DUS1L: variants seen among roughly 807,000 people sequenced by gnomAD.
DUS1L encodes tRNA-dihydrouridine(16/17) synthase [NAD(P)(+)]-like.
Under a neutral mutation model 61.2 loss-of-function variants are expected in DUS1L, and 56 were observed. The observed-to-expected ratio is 0.92, with a 90% CI of 0.74 to 1.14. DUS1L has a LOEUF of 1.14. Among genes scored for constraint, DUS1L ranks in the 50% most tolerant of loss-of-function variants. The pLI is 0.00. For missense variants in DUS1L, 630 were observed against 632.4 expected, an observed-to-expected ratio of 1.00 and a Z score of 0.04; for synonymous variants, 278 against 259.5, an observed-to-expected ratio of 1.07 and a Z score of -0.69.
In DUS1L at chr17:82,060,196, C is replaced by CGAGTGCCGCTGCTGTGAG. The variant is rs1264447388; in HGVS notation, c.1023-121_1023-104dup. On this transcript the variant is annotated intron_variant, in intron 10 of 13. Transcript: ENST00000306796. ...TGGGTGAGGGGCCAGGCGGCCGTGGCGAGTGCCGCTGCTGTGAGGAGTGCC... is the reference window on the plus strand; with the variant it reads ...TGGGTGAGGGGCCAGGCGGCCGTGGCGAGTGCCGCTGCTGTGAGGAGTGCCGCTGCTGTGAGGAGTGCC... The CGAGTGCCGCTGCTGTGAG allele has an allele frequency of 9.0e-6, 13 of 1,436,548 alleles. No individual in the cohort carries two copies. In the African/African-American group the frequency reaches 2.0e-4, roughly 22 times the overall value. 89.0% of individuals were successfully genotyped at this position (1,436,548 alleles called of 1,614,324 possible).
chr17:82,059,135 C>T, intron 11 of DUS1L: 2 of 397,744 alleles, frequency 5.0e-6, no homozygotes, highest in South Asian at 3.2e-5. Flanking sequence ...GTTTTCCTGC[C>T]CACAGGGTCC....
chr17:82,058,379 C>A lies in DUS1L; in HGVS notation c.1244G>T (p.Cys415Phe). Reference protein sequence around the residue: ...RCVFSLCRGCCKKRASKETAD... With the variant: ...RCVFSLCRGCFKKRASKETAD... The stretch of plus-strand genomic sequence containing the variant: ...AGTCTCTTTGGAGGCTCGCTTCTTG[C>A]AGCAGCCGCGGCACAGGCTGAACAC... Residue 415 changes from cysteine (C) to phenylalanine (F), a missense_variant, in exon 13 of 14, where the codon TGC becomes TTC. Cys to Phe is a radical substitution (Grantham distance 205, BLOSUM62 -2). Coordinates refer to ENST00000306796, the MANE Select transcript of DUS1L (RefSeq NM_022156.5). 1 of 1,489,546 alleles carries A rather than the reference C, an allele frequency of 6.7e-7. No individual in the cohort carries two copies. The highest frequency in any genetic ancestry group is 1.4e-5 in the South Asian group (1 of 71,552). 92.3% of individuals were successfully genotyped at this position (1,489,546 alleles called of 1,614,324 possible).
intron 12 of DUS1L, 75 bp downstream of exon 12, chr17:82,058,706 C>T (rs980000746): frequency 2.9e-5 from 46 of 1,599,030 alleles, no homozygotes; most frequent in South Asian, 3.3e-5. Context: ...GACCTGCCAC[C>T]CCAAGCAGTG....
chr17:82,058,628 G>A, intron 12 of DUS1L, 153 bp downstream of exon 12: 1 of 1,503,166 alleles, frequency 6.7e-7, no homozygotes, highest in Non-Finnish European at 8.9e-7. Context: ...TTGGCTGGAA[G>A]CAAGGGGCCG....
In DUS1L at chr17:82,060,685, C is replaced by G; in HGVS notation, c.1022+16G>C. 1 of 1,611,396 alleles carries G rather than the reference C, an allele frequency of 6.2e-7. No individual in the cohort carries two copies. The highest frequency in any genetic ancestry group is 8.5e-7 in the Non-Finnish European group (1 of 1,179,400). The stretch of plus-strand genomic sequence containing the variant: ...CCTTGGTGCACATCCCCGCCCAGGG[C>G]TGGCTGGGCTCTCACCCCGGCCGGA... On this transcript the variant is annotated intron_variant, in intron 10 of 13. Coordinates refer to ENST00000306796, the MANE Select transcript of DUS1L (RefSeq NM_022156.5).
In DUS1L at chr17:82,057,606, C is replaced by G. The variant is rs913493279; in HGVS notation, c.*509G>C. 52 of 265,162 alleles carry G rather than the reference C, an allele frequency of 2.0e-4. No homozygotes were observed. The highest frequency in any genetic ancestry group is 3.7e-4 in the Non-Finnish European group (49 of 132,664). 16.4% of individuals were successfully genotyped at this position (265,162 alleles called of 1,614,324 possible). On this transcript the variant is annotated 3_prime_UTR_variant, in exon 14 of 14. Coordinates refer to ENST00000306796, the MANE Select transcript of DUS1L (RefSeq NM_022156.5). ...AAATGAGAAGCCTGGCCCTCAGATT[C>G]AACAGCCCCCAGCAGCAGCCACTGT...
intron 10 of DUS1L, 86 bp from the exon 11 acceptor site, chr17:82,060,179 G>A (rs1022748079): frequency 8.0e-6 from 12 of 1,509,382 alleles, no homozygotes; most frequent in African/African-American, 4.2e-5. Context: ...TCTGGGTGAG[G>A]GGCCAGGCGG....
chr17:82,061,796 C>G (rs1282453103), intron 6 of DUS1L, 75 bp from the exon 7 acceptor site: 4 of 1,596,530 alleles, frequency 2.5e-6, no homozygotes, highest in South Asian at 1.1e-5. Flanking sequence ...CCACGGCCCC[C>G]TGGGTGGTCA....
intron 3 of DUS1L, 110 bp downstream of exon 3, chr17:82,064,016 G>A (rs764571432): frequency 1.4e-5 from 13 of 938,038 alleles, no homozygotes; most frequent in Non-Finnish European, 1.9e-5. Flanking sequence ...CTGAGCCACT[G>A]TCACGACAGA....
intron 11 of DUS1L, chr17:82,059,739 T>C (rs756293146): frequency 2.6e-4 from 167 of 637,506 alleles, no homozygotes; most frequent in Non-Finnish European, 4.1e-4. Flanking sequence ...ACTGAGCCCA[T>C]GTCCCACATG....
Position 82,064,814 on chromosome 17 carries a change from C to A in DUS1L, c.237+9G>T, listed in dbSNP as rs917214705. 1.9e-6 allele frequency: 3 copies of A among 1,602,430 alleles called. No individual in the cohort carries two copies. The African/African-American group carries it at 4.0e-5, about 21-fold the overall frequency. ...AACCGCGGCCGCGGCCACAGCCCCT[C>A]CTGCGCACCTGCACGATGAGGGGCC... On this transcript the variant is annotated intron_variant, in intron 2 of 13. Coordinates refer to ENST00000306796, the MANE Select transcript of DUS1L (RefSeq NM_022156.5).
In DUS1L at chr17:82,065,757, G is replaced by GGGGCCGCCGCC. The variant is rs1225357729; in HGVS notation, c.-166_-156dup. Reference sequence around the variant, plus strand: ...GCGCCGCGAACGCCCGCACCGCGCCGGGGCCGCCGCCGGGCCGCAGCCGGG... The same window carrying GGGGCCGCCGCC: ...GCGCCGCGAACGCCCGCACCGCGCCGGGGCCGCCGCCGGGCCGCCGCCGGGCCGCAGCCGGG... On this transcript the variant is annotated 5_prime_UTR_variant, in exon 1 of 14. Coordinates refer to ENST00000306796, the MANE Select transcript of DUS1L (RefSeq NM_022156.5). The GGGGCCGCCGCC allele has an allele frequency of 1.0e-4, 15 of 147,438 alleles. No individual in the cohort carries two copies. Among genetic ancestry groups the GGGGCCGCCGCC allele is most frequent in the Admixed American group, 6.7e-5 (1 of 14,840 alleles). The allele number at this position is 147,438 out of a possible 1,614,324, so 9.1% of individuals were successfully genotyped here.
rs2033242370 is a variant in DUS1L, at chr17:82,058,797, T to C, written c.1190A>G (p.Gln397Arg). The C allele has an allele frequency of 3.7e-6, 6 of 1,613,400 alleles. No homozygotes were observed. Among genetic ancestry groups the C allele is most frequent in the Non-Finnish European group, 5.1e-6 (6 of 1,179,890 alleles). The change falls in exon 12 of 14, where the codon CAG becomes CGG. Residue 397 changes from glutamine to arginine, a missense_variant. Physicochemically the swap from Gln to Arg is conservative, Grantham distance 43. Transcript: ENST00000306796. ...SLKPKYAKCD[Q>R]CGNPKGNRCV... is the part of the protein sequence containing the mutation. ...CCCACTCACCTTTGGGTTTCCACAC[T>C]GGTCACACTTTGCATATTTTGCTAG...
chr17:82,062,109 T>C, intron 5 of DUS1L, 126 bp from the exon 6 acceptor site: 1 of 781,470 alleles, frequency 1.3e-6, no homozygotes, highest in Non-Finnish European at 1.9e-6. Flanking sequence ...CTCCCAGCCC[T>C]GTGCCCCATG....
chr17:82,065,184 C>A, intron 1 of DUS1L, 115 bp from the exon 2 acceptor site: 7 of 890,390 alleles, frequency 7.9e-6, no homozygotes, highest in South Asian at 1.8e-5. Context: ...TTGGGTCACA[C>A]GCGGGGGCAC....
At chr17:82,064,711 T>G in intron 2 of DUS1L, 112 bp downstream of exon 2, 1 of 1,093,022 alleles carries the variant, frequency 9.1e-7, no homozygotes, top group Non-Finnish European at 1.3e-6. Context: ...GGAATTGAGC[T>G]GTCTCTGGAA....
At chr17:82,059,122 G>A in intron 11 of DUS1L, 1 of 427,934 alleles carries the variant, frequency 2.3e-6, no homozygotes, top group East Asian at 3.9e-5. Flanking sequence ...GACAAGGGGA[G>A]CAGTTTTCCT....
chr17:82,061,302 C>T lies in DUS1L; in HGVS notation c.749G>A (p.Trp250Ter). The T allele has an allele frequency of 6.2e-7, 1 of 1,610,856 alleles. No homozygotes were observed. Among genetic ancestry groups the T allele is most frequent in the African/African-American group, 1.3e-5 (1 of 75,028 alleles). ...GTCCAGATACTCCTCGGCCAGCTCC[C>T]ACACGGCAGGGCTCCGGCCCTCGAA... is the stretch of plus-strand genomic sequence containing the variant. ...ALFEGRSPAV[W>*]ELAEEYLDIV... Residue 250 changes from tryptophan (W) to a stop codon, truncating the protein, a stop_gained, in exon 8 of 14, where the codon TGG (tryptophan) becomes TAG (stop). Coordinates refer to ENST00000306796, the MANE Select transcript of DUS1L (RefSeq NM_022156.5). LOFTEE classifies it high-confidence loss of function.
At chr17:82,064,505 TGTGA>T (rs745391657) in intron 2 of DUS1L, among the ~76,000 whole-genome samples, 1 of 151,988 alleles carries the variant, frequency 6.6e-6, no homozygotes, top group South Asian at 2.1e-4. Context: ...GAAGAGGGAG[TGTGA>T]GTGTGAGAGG....
Sources: gnomAD v4.1 joint callset for allele counts (sites outside exome capture counted in the v4.1 genomes callset) on GRCh38, gnomAD v4.1.1 for gene constraint, MANE v1.5 for transcripts, NCBI Gene and HGNC (gene_info 2026-07-23, HGNC 2026-07-21) for gene names.